Variants in SIL1 observed in about 807,000 individuals in gnomAD.
SIL1 encodes the protein SIL1 nucleotide exchange factor.
SIL1 carries 40 observed loss-of-function variants against 49.1 expected under a neutral mutation model. The observed-to-expected ratio is 0.81, with a 90% confidence interval of 0.63 to 1.06. SIL1 has a LOEUF of 1.06. Ranked by LOEUF, SIL1 falls within the 50% of genes least tolerant of loss-of-function variation. The pLI, the probability that SIL1 is intolerant of heterozygous loss-of-function variation, is 0.00. For missense variants in SIL1, 500 were observed against 572.6 expected, an observed-to-expected ratio of 0.87 and a Z score of 1.29; for synonymous variants, 253 against 250.8, an observed-to-expected ratio of 1.01 and a Z score of -0.08.
At chr5:139,038,024 T>C (rs1024085495) in intron 5 of SIL1, among the ~76,000 whole-genome samples, 1 of 152,050 alleles carries the variant, frequency 6.6e-6, no homozygotes, top group Non-Finnish European at 1.5e-5. Flanking sequence ...CTTCACACGG[T>C]AGAGAGAGAG....
intron 7 of SIL1, among the ~76,000 whole-genome samples, chr5:139,009,929 C>T (rs1768214663): frequency 6.6e-6 from 1 of 151,588 alleles, no homozygotes; most frequent in East Asian, 1.9e-4. Flanking sequence ...GTGAATCTGA[C>T]AATTATGTGT....
At chr5:139,062,920 G>A (rs1162855752) in intron 3 of SIL1, among the ~76,000 whole-genome samples, 2 of 152,208 alleles carry the variant, frequency 1.3e-5, no homozygotes, top group South Asian at 4.1e-4. Context: ...AGTATACTGG[G>A]AAGTGAACAA....
intron 3 of SIL1, among the ~76,000 whole-genome samples, chr5:139,112,543 G>A (rs1447050396): frequency 6.6e-6 from 1 of 151,558 alleles, no homozygotes; most frequent in Admixed American, 6.6e-5. Flanking sequence ...CGCCCCGTCT[G>A]AGAAGTGAGG....
At chr5:139,074,385 C>A (rs993801544) in intron 3 of SIL1, among the ~76,000 whole-genome samples, 2 of 152,136 alleles carry the variant, frequency 1.3e-5, no homozygotes, top group Non-Finnish European at 2.9e-5. Context: ...TCATGTTGTA[C>A]ATGGAAAATA....
intron 3 of SIL1, among the ~76,000 whole-genome samples, chr5:139,107,234 CCTT>C (rs993236753): frequency 2.5e-4 from 38 of 152,282 alleles, no homozygotes; most frequent in South Asian, 2.1e-3. Context: ...TAAGAGCCCT[CCTT>C]CTGACATGGG....
intron 3 of SIL1, among the ~76,000 whole-genome samples, chr5:139,087,652 A>C (rs2151774393): frequency 6.6e-6 from 1 of 152,286 alleles, no homozygotes; most frequent in East Asian, 1.9e-4. Context: ...TTGAGGGAGC[A>C]GTCATACTGT....
chr5:139,170,736 G>GA (rs1036921996), intron 1 of SIL1, among the ~76,000 whole-genome samples: 5 of 151,798 alleles, frequency 3.3e-5, no homozygotes, highest in Admixed American at 3.3e-4. Flanking sequence ...GGGAAGTGAG[G>GA]AGCGTCTCCG....
intron 1 of SIL1, among the ~76,000 whole-genome samples, chr5:139,148,173 TCTTTAAGA>T: frequency 6.6e-6 from 1 of 151,792 alleles, no homozygotes. Flanking sequence ...GTATCTGTTC[TCTTTAAGA>T]GTGGTATATC....
chr5:139,116,324 TC>T (rs886406352), intron 3 of SIL1, among the ~76,000 whole-genome samples: 22 of 152,342 alleles, frequency 1.4e-4, no homozygotes, highest in African/African-American at 5.3e-4. Context: ...TTCTTTTTTT[TC>T]CCCCTCACAT....
intron 1 of SIL1, among the ~76,000 whole-genome samples, chr5:139,164,997 G>A (rs1236196212): frequency 1.3e-5 from 2 of 152,172 alleles, no homozygotes; most frequent in African/African-American, 4.8e-5. Context: ...GTGATCCCTT[G>A]TGGGAAAAAT....
chr5:139,037,649 T>C (rs1768947522), intron 5 of SIL1, among the ~76,000 whole-genome samples: 1 of 152,238 alleles, frequency 6.6e-6, no homozygotes, highest in Non-Finnish European at 1.5e-5. Context: ...CTGGTGACTT[T>C]TAAAGTTTTA....
intron 1 of SIL1, among the ~76,000 whole-genome samples, chr5:139,132,780 T>C (rs114841965): frequency 6.6e-6 from 1 of 152,082 alleles, no homozygotes; most frequent in Non-Finnish European, 1.5e-5. Flanking sequence ...GTGGCAGGCA[T>C]AGTTTGCCCT....
chr5:139,021,292 T>G lies in SIL1; in HGVS notation c.646A>C (p.Met216Leu). 6.2e-7 allele frequency: 1 copy of G among 1,614,100 alleles called. No homozygotes were observed. Among genetic ancestry groups the G allele is most frequent in the South Asian group, 1.1e-5 (1 of 91,062 alleles). ...LFDLEYYVHQ[M>L]DNAQDLLSFG... Reference sequence around the variant, plus strand: ...GAAAGCAGGTCCTGCGCATTGTCCATCTGCAACAGAGCCACTGCTTAGTAC... The same window carrying G: ...GAAAGCAGGTCCTGCGCATTGTCCAGCTGCAACAGAGCCACTGCTTAGTAC... Residue 216 changes from methionine to leucine, a missense_variant and splice_region_variant, in exon 7 of 10, where the codon ATG (methionine) becomes CTG (leucine). By Grantham distance (15) the Met-to-Leu change is conservative (BLOSUM62 2). Coordinates refer to ENST00000394817, the MANE Select transcript of SIL1 (RefSeq NM_022464.5).
At chr5:138,951,510 T>C (rs760553598) in intron 8 of SIL1, among the ~76,000 whole-genome samples, 175 bp from the exon 9 acceptor site, 3 of 152,166 alleles carry the variant, frequency 2.0e-5, no homozygotes, top group Non-Finnish European at 4.4e-5. Context: ...TCAGACACCT[T>C]CAACATTACC....
At chr5:139,126,502 G>A (rs1008450441) in intron 2 of SIL1, among the ~76,000 whole-genome samples, 1 of 152,104 alleles carries the variant, frequency 6.6e-6, no homozygotes, top group African/African-American at 2.4e-5. Flanking sequence ...GGCCCTGAAG[G>A]TTCTTTTCTG....
At chr5:138,988,019 G>C (rs1767680880) in intron 7 of SIL1, among the ~76,000 whole-genome samples, 1 of 152,168 alleles carries the variant, frequency 6.6e-6, no homozygotes, top group South Asian at 2.1e-4. Flanking sequence ...TTTTAGTAGA[G>C]ACAGGGTTTC....
chr5:139,152,408 G>T (rs547408903), intron 1 of SIL1, among the ~76,000 whole-genome samples: 1 of 152,048 alleles, frequency 6.6e-6, no homozygotes, highest in Admixed American at 6.5e-5. Flanking sequence ...ACTGCCTGAG[G>T]TCAGGAGTTC....
intron 1 of SIL1, among the ~76,000 whole-genome samples, chr5:139,190,522 T>G (rs111397485): frequency 5.9e-5 from 9 of 152,306 alleles, no homozygotes; most frequent in South Asian, 2.1e-4. Context: ...TTTAAACAAT[T>G]CTAACAACTT....
chr5:138,984,597 G>C (rs947664414), intron 7 of SIL1, among the ~76,000 whole-genome samples: 1 of 152,080 alleles, frequency 6.6e-6, no homozygotes, highest in African/African-American at 2.4e-5. Context: ...GACCTCAGGT[G>C]ATCCACCCAC....
Sources: gnomAD v4.1 joint callset for allele counts (sites outside exome capture counted in the v4.1 genomes callset) on GRCh38, gnomAD v4.1.1 for gene constraint, MANE v1.5 for transcripts, NCBI Gene and HGNC (gene_info 2026-07-23, HGNC 2026-07-21) for gene names.